The following ITGA2 variants were observed in gnomAD, a reference collection of about 807,000 sequenced individuals.
ITGA2 encodes integrin subunit alpha 2.
In ITGA2, 101 loss-of-function variants were observed where a neutral mutation model predicts 146.3. The observed-to-expected ratio is 0.69, with a 90% CI of 0.59 to 0.81. ITGA2 has a LOEUF of 0.81. Among genes scored for constraint, ITGA2 ranks in the 40% least tolerant of loss-of-function variants. The pLI is 0.00. For synonymous variants in ITGA2, 477 were observed against 487.1 expected, an observed-to-expected ratio of 0.98 and a Z score of 0.27; for missense variants, 1,281 against 1,402.7, an observed-to-expected ratio of 0.91 and a Z score of 1.39.
intron 1 of ITGA2, among the ~76,000 whole-genome samples, chr5:53,004,303 A>C (rs903635556): frequency 6.6e-6 from 1 of 152,170 alleles, no homozygotes; most frequent in Non-Finnish European, 1.5e-5. Context: ...CATTTTTCTG[A>C]GTAACTTTAG....
Position 53,042,015 on chromosome 5 carries a change from T to C in ITGA2, c.186-97T>C, listed in dbSNP as rs952437954. The C allele has an allele frequency of 1.2e-5, 10 of 814,874 alleles. 1 individual carries two copies. The highest frequency in any genetic ancestry group is 1.5e-5 in the Non-Finnish European group (7 of 461,262). The allele number at this position is 814,874 out of a possible 1,614,324, so 50.5% of individuals were successfully genotyped here. On this transcript the variant is annotated intron_variant, in intron 2 of 29. Transcript: ENST00000296585. Reference sequence around the variant, plus strand: ...GCTGAACAAATATAAACTGTTCACATTGAAATTTAAATGTGTTTTTCACTG... The same window carrying C: ...GCTGAACAAATATAAACTGTTCACACTGAAATTTAAATGTGTTTTTCACTG...
intron 1 of ITGA2, among the ~76,000 whole-genome samples, chr5:52,995,826 G>A (rs1741215499): frequency 6.6e-6 from 1 of 152,200 alleles, no homozygotes; most frequent in Non-Finnish European, 1.5e-5. Context: ...CTAGAAGAGG[G>A]CTTTGGCCAT....
chr5:53,033,834 G>A (rs1348245276), intron 2 of ITGA2, among the ~76,000 whole-genome samples: 3 of 151,304 alleles, frequency 2.0e-5, no homozygotes, highest in Admixed American at 2.0e-4. Context: ...GGCAATCTCG[G>A]CTCACTGCAA....
Position 53,060,013 on chromosome 5 carries a change from G to A in ITGA2, c.1312+1G>A, listed in dbSNP as rs1259129028. On this transcript the variant is annotated splice_donor_variant, in intron 11 of 29. Transcript: ENST00000296585. LOFTEE classifies it high-confidence loss of function. ...GACAGAAATCACAGTTCATATTTAGGTAAGGCATGGTAATAATTGGCTCAG... is the reference window on the plus strand; with the variant it reads ...GACAGAAATCACAGTTCATATTTAGATAAGGCATGGTAATAATTGGCTCAG... The A allele has an allele frequency of 1.2e-6, 2 of 1,611,838 alleles. No homozygotes were observed. Among genetic ancestry groups the A allele is most frequent in the East Asian group, 2.2e-5 (1 of 44,746 alleles).
chr5:52,992,432 A>C (rs950589173), intron 1 of ITGA2, among the ~76,000 whole-genome samples: 3 of 152,214 alleles, frequency 2.0e-5, no homozygotes, highest in African/African-American at 7.2e-5. Context: ...GACAGTCTGT[A>C]AGTAAGCCAG....
chr5:53,078,623 A>C lies in ITGA2; in HGVS notation c.2826-149A>C, dbSNP rs1745769002. On this transcript the variant is annotated intron_variant, in intron 23 of 29. Transcript: ENST00000296585. ...AACATACATTGGACGATAAGCCCAT[A>C]GGCAAGCATTTCTTTTTATTTGGTG... 6.3e-6 allele frequency: 4 copies of C among 633,638 alleles called. No individual in the cohort carries two copies. In the East Asian group the frequency reaches 1.1e-4, roughly 18 times the overall value. 39.3% of individuals were successfully genotyped at this position (633,638 alleles called of 1,614,324 possible). A position where few individuals can be genotyped will look rare whatever the true frequency, so the allele number is the denominator to read the frequency against.
intron 1 of ITGA2, among the ~76,000 whole-genome samples, chr5:53,009,627 A>G (rs1319047818): frequency 6.6e-6 from 1 of 152,146 alleles, no homozygotes; most frequent in African/African-American, 2.4e-5. Flanking sequence ...CCACTTGATG[A>G]TCTGGCAAAT....
Position 53,058,071 on chromosome 5 carries a change from G to A in ITGA2, c.1143G>A (p.Val381=), listed in dbSNP as rs764321416. ...GDNFQMEMSQ[V]GFSADYSSQN... ...ACTTTCAGATGGAAATGTCACAAGT[G>A]GGATTCAGTGCAGATTACTCTTCTC... Residue 381 remains valine (V), a synonymous_variant, in exon 10 of 30, where the codon GTG becomes GTA. Transcript: ENST00000296585. 3.0e-5 allele frequency: 49 copies of A among 1,611,500 alleles called. No homozygotes were observed. Among genetic ancestry groups the A allele is most frequent in the Non-Finnish European group, 4.2e-5 (49 of 1,178,336 alleles).
intron 7 of ITGA2, among the ~76,000 whole-genome samples, chr5:53,053,157 C>T (rs1744463952): frequency 1.3e-5 from 2 of 152,172 alleles, no homozygotes; most frequent in Admixed American, 6.6e-5. Context: ...TCAGTGGCCA[C>T]ATCCTGTCAT....
At chr5:53,086,439 T>C (rs1235004927) in intron 27 of ITGA2, among the ~76,000 whole-genome samples, 1 of 152,204 alleles carries the variant, frequency 6.6e-6, no homozygotes, top group African/African-American at 2.4e-5. Context: ...TTTTAAACAC[T>C]ATCATTTTAC....
chr5:53,059,350 G>A (rs1167114151), intron 10 of ITGA2, among the ~76,000 whole-genome samples: 1 of 151,922 alleles, frequency 6.6e-6, no homozygotes, highest in Non-Finnish European at 1.5e-5. Flanking sequence ...TTGAGAAGGG[G>A]TCAGGAAGAG....
intron 1 of ITGA2, among the ~76,000 whole-genome samples, chr5:53,006,336 C>G (rs1269330463): frequency 6.6e-6 from 1 of 152,104 alleles, no homozygotes; most frequent in Admixed American, 6.6e-5. Context: ...TAGGGTTCTC[C>G]TATAGCTAGA....
intron 8 of ITGA2, 142 bp from the exon 9 acceptor site, chr5:53,055,842 C>T (rs1744602250): frequency 8.0e-7 from 1 of 1,243,714 alleles, no homozygotes; most frequent in Non-Finnish European, 1.2e-6. Context: ...ATTTTCAATC[C>T]TGTCTACTAA....
rs3797483 is a variant in ITGA2 at position 53,057,195 on chromosome 5, T to C, written c.1097-830T>C. On this transcript the variant is annotated intron_variant, in intron 9 of 29. Transcript: ENST00000296585. The stretch of plus-strand genomic sequence containing the variant: ...ATCTACAAGCTAGCTAGAAATGATT[T>C]TGAGCATTATTTGCTATTATGGACT... Among the ~76,000 whole-genome samples, 13 of 152,134 alleles carry C rather than the reference T, an allele frequency of 8.5e-5. No homozygotes were observed. The East Asian group carries it at 2.5e-3, about 29-fold the overall frequency.
intron 2 of ITGA2, among the ~76,000 whole-genome samples, chr5:53,034,163 A>T (rs946615656): frequency 6.6e-6 from 1 of 152,142 alleles, no homozygotes; most frequent in Non-Finnish European, 1.5e-5. Flanking sequence ...CTATAAAGAC[A>T]TTAGAAATCC....
intron 23 of ITGA2, among the ~76,000 whole-genome samples, chr5:53,077,877 T>A (rs920463647): frequency 2.6e-5 from 4 of 152,060 alleles, no homozygotes; most frequent in African/African-American, 9.7e-5. Flanking sequence ...ATTCTATAAT[T>A]AACGTAAATT....
intron 2 of ITGA2, among the ~76,000 whole-genome samples, chr5:53,038,442 C>T (rs1428022501): frequency 6.6e-6 from 1 of 152,112 alleles, no homozygotes; most frequent in African/African-American, 2.4e-5. Flanking sequence ...ACAGTGTAGC[C>T]TAGGCCCCAC....
intron 2 of ITGA2, among the ~76,000 whole-genome samples, chr5:53,030,333 T>C (rs1023622642): frequency 6.6e-5 from 10 of 152,222 alleles, no homozygotes; most frequent in African/African-American, 2.4e-5. Flanking sequence ...CCCTGAATGA[T>C]GTATAAACAC....
chr5:53,071,299 T>A (rs1201044572), intron 17 of ITGA2, among the ~76,000 whole-genome samples: 1 of 151,894 alleles, frequency 6.6e-6, no homozygotes, highest in African/African-American at 2.4e-5. Flanking sequence ...CTGTGCTGAC[T>A]GGTGGATCAG....
Sources: gnomAD v4.1 joint callset for allele counts (sites outside exome capture counted in the v4.1 genomes callset) on GRCh38, gnomAD v4.1.1 for gene constraint, MANE v1.5 for transcripts, NCBI Gene and HGNC (gene_info 2026-07-23, HGNC 2026-07-21) for gene names.